The following CDH26 variants were observed in gnomAD, a reference collection of about 807,000 sequenced individuals.
CDH26 encodes cadherin-like protein 26.
CDH26 carries 83 observed loss-of-function variants against 90.3 expected under a neutral mutation model. The observed-to-expected ratio is 0.92, with a 90% CI of 0.77 to 1.10. The LOEUF (loss-of-function observed/expected upper bound fraction) is 1.10. Among genes scored for constraint, CDH26 ranks in the 50% least tolerant of loss-of-function variants. The pLI, the probability that CDH26 is intolerant of heterozygous loss-of-function variation, is 0.00. For synonymous variants in CDH26, 397 were observed against 396.3 expected (o/e 1.00, Z -0.02); for missense variants, 1,013 against 1,037.6 (o/e 0.98, Z 0.33).
rs756415753 is a variant in CDH26, at chr20:59,999,600, T to C, written c.2034T>C (p.Val678=). Residue 678 remains valine, a synonymous_variant, in exon 14 of 18, where the codon GTT becomes GTC. Transcript: ENST00000348616. ...GTGTTCTACAGACATGGTCAGATGT[T>C]GAAGGCCAGAGGCCGGCTCTGCTCA... ...KGTSAQTWSD[V]EGQRPALLIC... 11 of 1,614,146 alleles carry C rather than the reference T, an allele frequency of 6.8e-6. No homozygotes were observed. The Admixed American group carries it at 1.7e-4, about 24-fold the overall frequency.
Position 60,021,873 on chromosome 20 carries a change from C to CACACACACACAT in CDH26, c.948-9347_948-9346insTACACACACACA, listed in dbSNP as rs1425142542. Among the ~76,000 whole-genome samples the CACACACACACAT allele has an allele frequency of 8.6e-5, 9 of 105,208 alleles. 1 individual carries two copies. Among genetic ancestry groups the CACACACACACAT allele is most frequent in the Admixed American group, 2.0e-4 (2 of 10,044 alleles). The allele number at this position is 105,208 out of a possible 152,430, so 69.0% of individuals were successfully genotyped here. ...GTACACACACACACACACACACACA[C>CACACACACACAT]ACACACACACACACACACACACACA... On this transcript the variant is annotated intron_variant, in intron 7 of 8. Transcript: ENST00000370991.
rs10427415 is a variant in CDH26 at position 60,003,275 on chromosome 20, C to T, written c.2220+409C>T. 1.6e-3 allele frequency among the ~76,000 whole-genome samples: 250 copies of T among 152,130 alleles called. 1 individual carries two copies. The highest frequency in any genetic ancestry group is 5.6e-3 in the African/African-American group (231 of 41,484). On this transcript the variant is annotated intron_variant, in intron 16 of 17. Coordinates refer to ENST00000348616, the MANE Select transcript of CDH26 (RefSeq NM_177980.4). ...TTCAAATGAGATCCTACAAATAACT[C>T]CATTGTAAATAAAACATCTAAGTAC...
chr20:59,976,451 A>G (rs1328025487), intron 4 of CDH26, among the ~76,000 whole-genome samples: 1 of 152,224 alleles, frequency 6.6e-6, no homozygotes, highest in Admixed American at 6.5e-5. Context: ...CTTTAGGATA[A>G]TAAATGAAAT....
intron 3 of CDH26, 46 bp from the exon 4 acceptor site, chr20:59,971,916 T>C: frequency 6.6e-7 from 1 of 1,520,180 alleles, no homozygotes; most frequent in Non-Finnish European, 9.1e-7. Context: ...CATAGTGGCT[T>C]ATTCTCATCC....
At chr20:59,999,166 A>G (rs1298553948) in intron 13 of CDH26, among the ~76,000 whole-genome samples, 1 of 152,210 alleles carries the variant, frequency 6.6e-6, no homozygotes. Flanking sequence ...TCCAGCACCC[A>G]TCAACCTGAG....
intron 15 of CDH26, among the ~76,000 whole-genome samples, chr20:60,001,965 C>T (rs1432915165): frequency 6.6e-6 from 1 of 152,204 alleles, no homozygotes; most frequent in Admixed American, 6.5e-5. Context: ...TAACCCTACT[C>T]CATGATCAAA....
intron 2 of CDH26, 59 bp downstream of exon 2, chr20:59,969,082 GAC>G: frequency 9.1e-7 from 1 of 1,103,592 alleles, no homozygotes; most frequent in Non-Finnish European, 1.4e-6. Flanking sequence ...TTGACTTAGA[GAC>G]AGAATTGCAG....
chr20:59,979,586 T>G (rs2145981416), intron 4 of CDH26, among the ~76,000 whole-genome samples: 1 of 144,794 alleles, frequency 6.9e-6, no homozygotes, highest in East Asian at 2.0e-4. Flanking sequence ...TGTGGTGAGA[T>G]AAAGCTGCTA....
In CDH26 at chr20:59,995,593, C is replaced by A. The variant is rs555466029; in HGVS notation, c.1667-240C>A. ...AAAAACGGCACCATCACTGTAACAA[C>A]TTTCAGTGTGTTCTGTGAGTCTTTC... On this transcript the variant is annotated intron_variant, in intron 11 of 17. Transcript: ENST00000348616. 1.6e-3 allele frequency among the ~76,000 whole-genome samples: 239 copies of A among 152,364 alleles called. 1 individual carries two copies. The highest frequency in any genetic ancestry group is 5.6e-3 in the African/African-American group (231 of 41,588).
exon 8 of CDH26, chr20:60,031,388 C>G (rs1306225032): frequency 1.6e-6 from 2 of 1,230,070 alleles, no homozygotes; most frequent in Non-Finnish European, 2.1e-6. Flanking sequence ...TTGGCTCGAA[C>G]ACCCTCTTTC....
chr20:59,972,684 A>C (rs886101291), intron 4 of CDH26, among the ~76,000 whole-genome samples: 14 of 152,316 alleles, frequency 9.2e-5, no homozygotes, highest in African/African-American at 3.4e-4. Flanking sequence ...TTACTCACCT[A>C]ACATCATAGG....
In CDH26 at chr20:59,994,362, T is replaced by A. The variant is rs370129586; in HGVS notation, c.1539T>A (p.Ala513=). 10 of 1,614,062 alleles carry A rather than the reference T, an allele frequency of 6.2e-6. No individual in the cohort carries two copies. In the African/African-American group the frequency reaches 1.1e-4, roughly 17 times the overall value. ...GCTACATGGAGGTCTGTGAGTCTGCTGTGCATGAGCCCCTCCACATCGAGG... is the reference window on the plus strand; with the variant it reads ...GCTACATGGAGGTCTGTGAGTCTGCAGTGCATGAGCCCCTCCACATCGAGG... The part of the protein sequence containing the change: ...RSRYMEVCES[A]VHEPLHIEAE... Residue 513 remains alanine (A), a synonymous_variant, in exon 11 of 18, where the codon GCT becomes GCA. Transcript: ENST00000348616.
At chr20:59,999,813 C>T in intron 14 of CDH26, 150 bp downstream of exon 14, 1 of 649,768 alleles carries the variant, frequency 1.5e-6, no homozygotes, top group Non-Finnish European at 2.7e-6. Flanking sequence ...TTGCAAAGCC[C>T]CATGGTTCCC....
intron 11 of CDH26, 31 bp downstream of exon 11, chr20:59,994,520 G>T: frequency 6.2e-7 from 1 of 1,608,428 alleles, no homozygotes; most frequent in Non-Finnish European, 8.5e-7. Context: ...CGGGCAAAGA[G>T]TGGAAAATGC....
intron 4 of CDH26, among the ~76,000 whole-genome samples, chr20:59,980,735 G>A (rs6071055): frequency 0.01 from 1,532 of 152,162 alleles, 14 homozygotes; most frequent in Middle Eastern, 0.02. Flanking sequence ...TCTTTTAACA[G>A]CATTTCTTAC....
chr20:60,004,833 G>A (rs1053935061), intron 16 of CDH26, among the ~76,000 whole-genome samples: 1 of 148,820 alleles, frequency 6.7e-6, no homozygotes, highest in African/African-American at 2.5e-5. Flanking sequence ...TAAAAATACA[G>A]CATTACAGTC....
rs201575756 is a variant in CDH26, at chr20:60,006,755, G to A, written c.2263G>A (p.Val755Met). 141 of 1,614,004 alleles carry A rather than the reference G, an allele frequency of 8.7e-5. No individual in the cohort carries two copies. In the East Asian group the frequency reaches 2.1e-3, roughly 24 times the overall value. ...ATMHRQLLAP[V>M]EGRMAETLNQ... ...AATGCACAGACAACTCCTGGCTCCG[G>A]TGGAAGGAAGGATGGCAGAGACATT... The change falls in exon 17 of 18, where the codon GTG becomes ATG. Residue 755 changes from valine to methionine, a missense_variant. By Grantham distance (21) the Val-to-Met change is conservative (BLOSUM62 1). Transcript: ENST00000348616.
intron 7 of CDH26, among the ~76,000 whole-genome samples, chr20:60,027,404 G>A (rs2062006253): frequency 6.6e-6 from 1 of 152,182 alleles, no homozygotes; most frequent in South Asian, 2.1e-4. Flanking sequence ...ACACATCAAT[G>A]CATCTTTCCA....
At chr20:59,996,898 A>G (rs1336229425) in intron 13 of CDH26, 137 bp downstream of exon 13, 1 of 1,060,952 alleles carries the variant, frequency 9.4e-7, no homozygotes, top group African/African-American at 1.6e-5. Flanking sequence ...GTGGGAAAAA[A>G]TTCTTGCAAA....
Sources: allele counts gnomAD v4.1 joint callset (sites outside exome capture counted in the v4.1 genomes callset), GRCh38; gene constraint gnomAD v4.1.1; transcripts MANE v1.5; gene names NCBI Gene and HGNC (gene_info 2026-07-23, HGNC 2026-07-21).